The following C19orf44 variants were observed in gnomAD, a reference collection of about 807,000 sequenced individuals.
C19orf44 encodes uncharacterized protein C19orf44.
In C19orf44, 43 loss-of-function variants were observed where a neutral mutation model predicts 50.7. That is an observed-to-expected ratio of 0.85 (90% CI 0.66 to 1.09). The LOEUF (loss-of-function observed/expected upper bound fraction) is 1.09, where lower values mean the gene tolerates loss of function less well. Among genes scored for constraint, C19orf44 ranks in the 50% least tolerant of loss-of-function variants. The pLI is 0.00. For synonymous variants in C19orf44, 298 were observed against 334.7 expected, an observed-to-expected ratio of 0.89 and a Z score of 1.20; for missense variants, 722 against 836.2, an observed-to-expected ratio of 0.86 and a Z score of 1.68.
Position 16,514,434 on chromosome 19 carries a change from G to C in C19orf44, c.1736-63G>C, listed in dbSNP as rs190163256. ...GAGCAGCCTGGCACCTGAGCGGTGGGGGGGGGGCTGCAGAATTTGTGGGGC... is the reference window on the plus strand; with the variant it reads ...GAGCAGCCTGGCACCTGAGCGGTGGCGGGGGGGCTGCAGAATTTGTGGGGC... On this transcript the variant is annotated intron_variant, in intron 6 of 8. Coordinates refer to ENST00000221671, the MANE Select transcript of C19orf44 (RefSeq NM_032207.4). 1.7e-4 allele frequency: 249 copies of C among 1,469,018 alleles called. No individual in the cohort carries two copies. The East Asian group carries it at 2.7e-3, about 16-fold the overall frequency. 91.0% of individuals were successfully genotyped at this position (1,469,018 alleles called of 1,614,324 possible). A position where few individuals can be genotyped will look rare whatever the true frequency, so the allele number is the denominator to read the frequency against.
At position 16,520,984 on chromosome 19, in the gene C19orf44, G is replaced by A. The variant is rs1030211103; in HGVS notation, c.*931G>A. The A allele has an allele frequency of 7.6e-7, 1 of 1,314,498 alleles. No homozygotes were observed. Among genetic ancestry groups the A allele is most frequent in the East Asian group, 2.3e-5 (1 of 43,532 alleles). The allele number at this position is 1,314,498 out of a possible 1,614,324, so 81.4% of individuals were successfully genotyped here. ...AAGGAAGTCGTGAAAAAGTCATCAG[G>A]AGTTAATCCACAGAACCTTGGAGAG... On this transcript the variant is annotated 3_prime_UTR_variant, in exon 9 of 9. Coordinates refer to ENST00000221671, the MANE Select transcript of C19orf44 (RefSeq NM_032207.4). This position sits in a 1 kb window ranked among gnomAD's most constrained non-coding sequence, Gnocchi z 4.0.
Position 16,514,668 on chromosome 19 carries a change from G to C in C19orf44, c.1902+5G>C, listed in dbSNP as rs779006249. On this transcript the variant is annotated splice_donor_5th_base_variant and intron_variant, in intron 7 of 8. Coordinates refer to ENST00000221671, the MANE Select transcript of C19orf44 (RefSeq NM_032207.4). ...ACCCTGGAGGAAGCCAAAGAGGTGA[G>C]CGCAGCTCCCCATGGGCAGGGGCAG... is the stretch of plus-strand genomic sequence containing the variant. 1 of 1,560,890 alleles carries C rather than the reference G, an allele frequency of 6.4e-7. No individual in the cohort carries two copies. The highest frequency in any genetic ancestry group is 1.2e-5 in the South Asian group (1 of 85,034).
chr19:16,513,884 CAT>C (rs2093464491), intron 6 of C19orf44, among the ~76,000 whole-genome samples: 2 of 152,116 alleles, frequency 1.3e-5, no homozygotes, highest in Non-Finnish European at 2.9e-5. Context: ...CCCCAGCAGC[CAT>C]CTTAGAGAGT....
chr19:16,500,812 C>A lies in C19orf44; in HGVS notation c.20C>A (p.Ala7Asp). ...CACAGAATGGCTTCTGCAAGGAAAG[C>A]CAGCCGTCCCATGCGTGATGTTTTT... MASARKASRPMRDVFGD... is the reference protein window; with the variant it reads MASARKDSRPMRDVFGD... Residue 7 changes from alanine to aspartate, a missense_variant, in exon 2 of 9, where the codon GCC becomes GAC. Coordinates refer to ENST00000221671, the MANE Select transcript of C19orf44 (RefSeq NM_032207.4). 1 of 1,577,806 alleles carries A rather than the reference C, an allele frequency of 6.3e-7. No homozygotes were observed. Among genetic ancestry groups the A allele is most frequent in the Non-Finnish European group, 8.6e-7 (1 of 1,164,694 alleles).
At position 16,509,695 on chromosome 19, in the gene C19orf44, C is replaced by T; in HGVS notation, c.1346C>T (p.Thr449Ile). The T allele has an allele frequency of 1.2e-6, 2 of 1,614,244 alleles. No individual in the cohort carries two copies. Among genetic ancestry groups the T allele is most frequent in the Non-Finnish European group, 1.7e-6 (2 of 1,180,048 alleles). The stretch of plus-strand genomic sequence containing the variant: ...GCTTCTGCCATCCAGCAGGACAGCA[C>T]TTCCAGCATGCAGCCACCATCTGAA... ...SSASAIQQDSTSSMQPPSEAP... is the reference protein window; with the variant it reads ...SSASAIQQDSISSMQPPSEAP... The change falls in exon 5 of 9, where the codon ACT (threonine) becomes ATT (isoleucine). Residue 449 changes from threonine to isoleucine, a missense_variant. Transcript: ENST00000221671.
intron 8 of C19orf44, chr19:16,518,787 T>C (rs1475956475): frequency 3.9e-6 from 1 of 257,312 alleles, no homozygotes; most frequent in Non-Finnish European, 7.5e-6. Context: ...TTCCTGCACA[T>C]GCTCCTCCTG....
At chr19:16,518,242 T>C (rs2085565092) in intron 8 of C19orf44, 1 of 151,370 alleles carries the variant, frequency 6.6e-6, no homozygotes, top group African/African-American at 2.4e-5. Flanking sequence ...AATGATGGAG[T>C]GGAAGGCGCT....
chr19:16,520,161 C>A lies in C19orf44; in HGVS notation c.*108C>A. 6.2e-7 allele frequency: 1 copy of A among 1,610,486 alleles called. No individual in the cohort carries two copies. ...GACAGGATCTTACGGCGGGGTGGGG[C>A]TCCTGGACCGTGACCGGCGTCTTCT... On this transcript the variant is annotated 3_prime_UTR_variant, in exon 9 of 9. Coordinates refer to ENST00000221671, the MANE Select transcript of C19orf44 (RefSeq NM_032207.4). The surrounding 1 kb of genome is among the most constrained non-coding windows in gnomAD (Gnocchi z 4.0).
chr19:16,509,384 G>A, intron 4 of C19orf44, 115 bp from the exon 5 acceptor site: 1 of 1,366,960 alleles, frequency 7.3e-7, no homozygotes, highest in Non-Finnish European at 1.0e-6. Flanking sequence ...AGGACCTGGT[G>A]TGTCCCCTTG....
chr19:16,506,635 T>A, intron 3 of C19orf44, 66 bp from the exon 4 acceptor site: 1 of 1,087,026 alleles, frequency 9.2e-7, no homozygotes, highest in Non-Finnish European at 1.3e-6. Context: ...TTTGGAAGGT[T>A]TGTAAAAATT....
At chr19:16,503,586 C>G (rs541200436) in intron 3 of C19orf44, among the ~76,000 whole-genome samples, 1 of 152,246 alleles carries the variant, frequency 6.6e-6, no homozygotes, top group African/African-American at 2.4e-5. Flanking sequence ...AATTCTGAGA[C>G]AGGGTCTTGC....
At chr19:16,498,198 A>G (rs1286824339) in intron 1 of C19orf44, among the ~76,000 whole-genome samples, 1 of 152,284 alleles carries the variant, frequency 6.6e-6, no homozygotes, top group East Asian at 1.9e-4. Flanking sequence ...TGGTAACTCT[A>G]TGTCTAACCT....
chr19:16,501,738 T>C (rs567654065), intron 2 of C19orf44, among the ~76,000 whole-genome samples, 187 bp downstream of exon 2: 213 of 149,356 alleles, frequency 1.4e-3, no homozygotes, highest in African/African-American at 5.2e-3. Context: ...ATTACAGGCA[T>C]GCACCACCAC....
chr19:16,497,382 G>A (rs1382127618), intron 1 of C19orf44, among the ~76,000 whole-genome samples: 6 of 113,314 alleles, frequency 5.3e-5, no homozygotes, highest in Non-Finnish European at 8.4e-5. Context: ...ACAGATTCTC[G>A]CTCTGTTACT....
At chr19:16,516,587 G>T (rs145490226) in intron 7 of C19orf44, among the ~76,000 whole-genome samples, 16 of 152,222 alleles carry the variant, frequency 1.1e-4, no homozygotes, top group Non-Finnish European at 1.8e-4. Flanking sequence ...TTAATCTAGA[G>T]CAGCGACCGG....
At position 16,521,089 on chromosome 19, in the gene C19orf44, C is replaced by A; in HGVS notation, c.*1036C>A. On this transcript the variant is annotated 3_prime_UTR_variant, in exon 9 of 9. Transcript: ENST00000221671. ...GTGTTCCCACAGGGCTGTCCTCCTG[C>A]AGCCCAGTGGCTCCTCTGGTGCCCA... 1.6e-6 allele frequency: 1 copy of A among 637,450 alleles called. No homozygotes were observed. The highest frequency in any genetic ancestry group is 2.8e-6 in the Non-Finnish European group (1 of 353,280). The allele number at this position is 637,450 out of a possible 1,614,324, so 39.5% of individuals were successfully genotyped here. A position where few individuals can be genotyped will look rare whatever the true frequency, so the allele number is the denominator to read the frequency against.
chr19:16,517,570 A>C (rs545211319), intron 8 of C19orf44, among the ~76,000 whole-genome samples: 49 of 152,312 alleles, frequency 3.2e-4, no homozygotes, highest in African/African-American at 1.2e-3. Flanking sequence ...TCCCAGCAGC[A>C]TGCCCAGCTC....
At chr19:16,506,360 G>A (rs886642326) in intron 3 of C19orf44, among the ~76,000 whole-genome samples, 1 of 152,178 alleles carries the variant, frequency 6.6e-6, no homozygotes, top group South Asian at 2.1e-4. Flanking sequence ...TTGGGAGGCC[G>A]AGGCAGGTGA....
chr19:16,507,127 G>A (rs2093442800), intron 4 of C19orf44, among the ~76,000 whole-genome samples: 1 of 152,232 alleles, frequency 6.6e-6, no homozygotes, highest in East Asian at 1.9e-4. Context: ...GTGAGTGGGT[G>A]GAGGCCAGGA....
Sources: gnomAD v4.1 joint callset for allele counts (sites outside exome capture counted in the v4.1 genomes callset) on GRCh38, gnomAD v4.1.1 for gene constraint, Gnocchi (gnomAD v3.1) non-coding constraint, MANE v1.5 for transcripts, NCBI Gene and HGNC (gene_info 2026-07-23, HGNC 2026-07-21) for gene names.